Variants in PPME1 observed in about 807,000 individuals in gnomAD.
PPME1 encodes the protein testicular secretory protein Li 39.
PPME1 carries 17 observed loss-of-function variants against 56.9 expected under a neutral mutation model. The ratio of observed to expected loss-of-function variants is 0.30; its 90% CI spans 0.20 to 0.45. PPME1 has a LOEUF of 0.45. PPME1 is among the 20% of genes least tolerant of loss of function. The pLI is 1.00. For missense variants in PPME1, 357 were observed against 483.2 expected (o/e 0.74, Z 2.45); for synonymous variants, 122 against 156.2 (o/e 0.78, Z 1.63).
In PPME1 at chr11:74,204,445, G is replaced by A. The variant is rs751063279; in HGVS notation, c.288G>A (p.Thr96=). The A allele has an allele frequency of 5.0e-6, 8 of 1,606,412 alleles. No homozygotes were observed. The East Asian group carries it at 6.7e-5, about 13-fold the overall frequency. Residue 96 remains threonine, a splice_region_variant and synonymous_variant, in exon 3 of 14, where the codon ACG becomes ACA. Transcript: ENST00000328257. ...CTGCCCTTTCTTGGGCTGTGTTCAC[G>A]GTAAGTAGGTTGTTGATAGTACAAG... ...GHSALSWAVF[T]AAIISRVQCR... is the part of the protein sequence containing the mutation.
At position 74,254,163 on chromosome 11, in the gene PPME1, C is replaced by T. The variant is rs1859776637; in HGVS notation, c.*653C>T. On this transcript the variant is annotated 3_prime_UTR_variant, in exon 14 of 14. Transcript: ENST00000328257. ...ATCTGGGAGAGCCCACTGTCCCACTCCCACATGTCTGGGCACCTGCCCTGG... is the reference window on the plus strand; with the variant it reads ...ATCTGGGAGAGCCCACTGTCCCACTTCCACATGTCTGGGCACCTGCCCTGG... 6.5e-6 allele frequency: 1 copy of T among 153,312 alleles called. No homozygotes were observed. The highest frequency in any genetic ancestry group is 6.5e-5 in the Admixed American group (1 of 15,334). 9.5% of individuals were successfully genotyped at this position (153,312 alleles called of 1,614,324 possible). A position where few individuals can be genotyped will look rare whatever the true frequency, so the allele number is the denominator to read the frequency against.
intron 3 of PPME1, 53 bp from the exon 4 acceptor site, chr11:74,222,259 G>A: frequency 7.4e-7 from 1 of 1,353,974 alleles, no homozygotes; most frequent in Non-Finnish European, 1.1e-6. Context: ...TTGGGAATTG[G>A]GTGAAATTTG....
chr11:74,177,991 T>G (rs1857441206), intron 1 of PPME1, among the ~76,000 whole-genome samples: 1 of 152,236 alleles, frequency 6.6e-6, no homozygotes, highest in Admixed American at 6.5e-5. Context: ...CAACATTATA[T>G]TGATGTGAAA....
chr11:74,223,760 C>T (rs2135651662), intron 4 of PPME1, among the ~76,000 whole-genome samples: 2 of 133,560 alleles, frequency 1.5e-5, no homozygotes, highest in Admixed American at 1.5e-4. Context: ...AGTGTCTGTT[C>T]ATGTCCTTCG....
At chr11:74,203,525 T>G (rs2135623470) in intron 1 of PPME1, among the ~76,000 whole-genome samples, 1 of 152,356 alleles carries the variant, frequency 6.6e-6, no homozygotes, top group Middle Eastern at 3.4e-3. Context: ...TTTAAAATAC[T>G]TATTTAAATG....
rs1418713854 is a variant in PPME1 at position 74,235,913 on chromosome 11, C to T, written c.657C>T (p.Gly219=). The change falls in exon 8 of 14, where the codon GGC becomes GGT. Residue 219 remains glycine, a synonymous_variant. Transcript: ENST00000328257. ...TTTTCTTTCCCAGTGTGAAGAGTGG[C>T]CAGATTCGAAATCTGGAGTCTGCCC... The part of the protein sequence containing the change: ...ENAIEWSVKS[G]QIRNLESARV... 1 of 1,611,662 alleles carries T rather than the reference C, an allele frequency of 6.2e-7. No homozygotes were observed. Among genetic ancestry groups the T allele is most frequent in the Non-Finnish European group, 8.5e-7 (1 of 1,178,988 alleles).
At chr11:74,201,227 G>C (rs898835034) in intron 1 of PPME1, among the ~76,000 whole-genome samples, 1 of 151,928 alleles carries the variant, frequency 6.6e-6, no homozygotes, top group Admixed American at 6.6e-5. Flanking sequence ...TGCCCGCCTC[G>C]GCCTCCCAAA....
At chr11:74,211,640 A>G (rs949020703) in intron 3 of PPME1, among the ~76,000 whole-genome samples, 2 of 152,226 alleles carry the variant, frequency 1.3e-5, no homozygotes, top group South Asian at 2.1e-4. Flanking sequence ...AAACTTCTAG[A>G]CAAAATACCG....
At chr11:74,247,038 A>G in intron 10 of PPME1, 41 bp from the exon 11 acceptor site, 1 of 1,548,898 alleles carries the variant, frequency 6.5e-7, no homozygotes, top group South Asian at 1.1e-5. Context: ...TAATACGTGA[A>G]CAGCAAAATC....
Position 74,251,697 on chromosome 11 carries a change from C to T in PPME1, c.1124C>T (p.Pro375Leu), listed in dbSNP as rs1859668467. 6.2e-7 allele frequency: 1 copy of T among 1,613,960 alleles called. No individual in the cohort carries two copies. Among genetic ancestry groups the T allele is most frequent in the Non-Finnish European group, 8.5e-7 (1 of 1,179,864 alleles). Residue 375 changes from proline to leucine, a missense_variant, in exon 13 of 14, where the codon CCC (proline) becomes CTC (leucine). This residue lies in a region of PPME1 where 182 missense variants were observed against 293.8 expected (regional missense o/e 0.62). Coordinates refer to ENST00000328257, the MANE Select transcript of PPME1 (RefSeq NM_016147.3). ...CTGATCCGGCACAGGTTTGCAGAAC[C>T]CATCGGTGGATTCCAGTGGTAAGGC... ...TFLIRHRFAE[P>L]IGGFQCVFPG...
At chr11:74,202,378 C>G (rs1858192934) in intron 1 of PPME1, among the ~76,000 whole-genome samples, 1 of 152,196 alleles carries the variant, frequency 6.6e-6, no homozygotes, top group Non-Finnish European at 1.5e-5. Flanking sequence ...TGACCTGGTT[C>G]AATGCCTAGA....
chr11:74,234,597 C>T (rs1175506346), intron 7 of PPME1, among the ~76,000 whole-genome samples: 2 of 152,010 alleles, frequency 1.3e-5, no homozygotes, highest in African/African-American at 4.8e-5. Context: ...CAAGAAATGA[C>T]CATTGGAATT....
intron 1 of PPME1, among the ~76,000 whole-genome samples, chr11:74,198,505 A>G (rs1420480229): frequency 6.6e-6 from 1 of 152,098 alleles, no homozygotes; most frequent in South Asian, 2.1e-4. Context: ...CTTGTCCCCC[A>G]GGCTGGAATG....
chr11:74,230,148 A>G lies in PPME1; in HGVS notation c.399-97A>G, dbSNP rs577103204. The G allele has an allele frequency of 1.8e-5, 24 of 1,339,086 alleles. No homozygotes were observed. Among genetic ancestry groups the G allele is most frequent in the Non-Finnish European group, 2.1e-5 (21 of 977,164 alleles). The allele number at this position is 1,339,086 out of a possible 1,614,324, so 83.0% of individuals were successfully genotyped here. ...GCCCAATAGACTTTTACAGTTTCCC[A>G]GCACTGTTACACACCAAAGAAAGGA... is the stretch of plus-strand genomic sequence containing the variant. On this transcript the variant is annotated intron_variant, in intron 5 of 13. Coordinates refer to ENST00000328257, the MANE Select transcript of PPME1 (RefSeq NM_016147.3). The surrounding 1 kb of genome is among the most constrained non-coding windows in gnomAD (Gnocchi z 4.9).
In PPME1 at chr11:74,210,766, G is replaced by A. The variant is rs1337173556; in HGVS notation, c.288+6321G>A. 2.0e-5 allele frequency among the ~76,000 whole-genome samples: 3 copies of A among 152,288 alleles called. No individual in the cohort carries two copies. The East Asian group carries it at 5.8e-4, about 29-fold the overall frequency. ...TGGTGCCGTACTTCTTATACAGCTTGCAGAACTGTGACCCAAATAAACTTC... is the reference window on the plus strand; with the variant it reads ...TGGTGCCGTACTTCTTATACAGCTTACAGAACTGTGACCCAAATAAACTTC... On this transcript the variant is annotated intron_variant, in intron 3 of 13. Coordinates refer to ENST00000328257, the MANE Select transcript of PPME1 (RefSeq NM_016147.3).
In PPME1 at chr11:74,225,089, G is replaced by A. The variant is rs142812298; in HGVS notation, c.347-116G>A. On this transcript the variant is annotated intron_variant, in intron 4 of 13. Transcript: ENST00000328257. ...AGAAAATCCTTGCTAAACTCATTGT[G>A]TAAAATTGTGAAGTCCCTAATCCAT... The A allele has an allele frequency of 7.0e-4, 452 of 645,374 alleles. 2 individuals are homozygous for A. In the African/African-American group the frequency reaches 7.6e-3, roughly 11 times the overall value. The allele number at this position is 645,374 out of a possible 1,614,324, so 40.0% of individuals were successfully genotyped here. A position where few individuals can be genotyped will look rare whatever the true frequency, so the allele number is the denominator to read the frequency against.
At chr11:74,251,494 A>G (rs1859660597) in intron 12 of PPME1, 154 bp from the exon 13 acceptor site, 5 of 1,446,488 alleles carry the variant, frequency 3.5e-6, no homozygotes, top group Non-Finnish European at 4.5e-6. Flanking sequence ...TAGCTCTGCT[A>G]GGGAGGGCCT....
intron 3 of PPME1, among the ~76,000 whole-genome samples, chr11:74,207,440 C>G (rs1469309966): frequency 6.6e-6 from 1 of 152,178 alleles, no homozygotes; most frequent in Non-Finnish European, 1.5e-5. Context: ...AACCATAAAG[C>G]ACTTGGGAAA....
intron 1 of PPME1, among the ~76,000 whole-genome samples, chr11:74,195,715 A>C (rs1237965752): frequency 6.6e-6 from 1 of 152,178 alleles, no homozygotes; most frequent in Non-Finnish European, 1.5e-5. Context: ...ATACCTGTTA[A>C]TGTCTGGCTT....
Sources: gnomAD v4.1 joint callset for allele counts (sites outside exome capture counted in the v4.1 genomes callset) on GRCh38, gnomAD v4.1.1 for gene constraint, gnomAD v4.1.1 regional missense constraint, Gnocchi (gnomAD v3.1) non-coding constraint, MANE v1.5 for transcripts, NCBI Gene and HGNC (gene_info 2026-07-23, HGNC 2026-07-21) for gene names.